ATL2: variants seen among roughly 807,000 people sequenced by gnomAD.
ATL2 encodes atlastin-2.
Under a neutral mutation model 73.9 loss-of-function variants are expected in ATL2, and 31 were observed. That is an observed-to-expected ratio of 0.42 (90% CI 0.32 to 0.57). ATL2 has a LOEUF of 0.57. ATL2 is among the 20% of genes least tolerant of loss of function. ATL2 has a pLI of 0.14. For synonymous variants in ATL2, 291 were observed against 237.5 expected, an observed-to-expected ratio of 1.23 and a Z score of -2.07; for missense variants, 738 against 702.6, an observed-to-expected ratio of 1.05 and a Z score of -0.57.
chr2:38,334,399 G>C (rs888116085), intron 2 of ATL2, among the ~76,000 whole-genome samples: 1 of 150,692 alleles, frequency 6.6e-6, no homozygotes, highest in African/African-American at 2.4e-5. Context: ...TTTCCTTATT[G>C]ACTCTTAAAA....
intron 2 of ATL2, among the ~76,000 whole-genome samples, chr2:38,331,336 G>A (rs183128264): frequency 4.6e-5 from 7 of 151,340 alleles, no homozygotes; most frequent in East Asian, 3.9e-4. Context: ...CTCAGGAGGC[G>A]GAGGCAGGAG....
At chr2:38,333,571 T>G (rs779018296) in intron 2 of ATL2, among the ~76,000 whole-genome samples, 4 of 152,226 alleles carry the variant, frequency 2.6e-5, no homozygotes, top group Non-Finnish European at 4.4e-5. Context: ...TAGAAACAGT[T>G]AATGTAACCT....
At chr2:38,303,750 C>T (rs1367410792) in intron 9 of ATL2, among the ~76,000 whole-genome samples, 1 of 152,032 alleles carries the variant, frequency 6.6e-6, no homozygotes, top group Non-Finnish European at 1.5e-5. Context: ...TATTTAAGAA[C>T]AAAAGATTAT....
chr2:38,315,027 G>A (rs1410527623), intron 5 of ATL2, among the ~76,000 whole-genome samples: 2 of 152,318 alleles, frequency 1.3e-5, no homozygotes, highest in East Asian at 1.9e-4. Flanking sequence ...CGAGGCGGGC[G>A]GATCACCCAA....
intron 1 of ATL2, among the ~76,000 whole-genome samples, chr2:38,367,427 C>T (rs145590839): frequency 2.0e-5 from 3 of 150,794 alleles, no homozygotes; most frequent in African/African-American, 4.9e-5. Flanking sequence ...CACGGTGAAA[C>T]CCCGTCTCTA....
chr2:38,360,529 G>A (rs1243595562), intron 1 of ATL2, among the ~76,000 whole-genome samples: 1 of 152,098 alleles, frequency 6.6e-6, no homozygotes, highest in African/African-American at 2.4e-5. Flanking sequence ...GGATCCTCCT[G>A]CCTCAGCCTC....
chr2:38,376,485 G>A, intron 1 of ATL2: 1 of 221,970 alleles, frequency 4.5e-6, no homozygotes, highest in Non-Finnish European at 8.7e-6. Context: ...ATCTAGACTT[G>A]CACCCTAGCC....
rs930421767 is a variant in ATL2 at position 38,312,031 on chromosome 2, T to G, written c.804+1120A>C. The stretch of plus-strand genomic sequence containing the variant: ...ATTTTAAAACTAAAAGAAAATTATA[T>G]CATACCCCAAGTCTTTAATGCAGTT... On this transcript the variant is annotated intron_variant, in intron 7 of 12. Coordinates refer to ENST00000378954, the MANE Select transcript of ATL2 (RefSeq NM_001135673.4). Among the ~76,000 whole-genome samples, 3 of 152,324 alleles carry G rather than the reference T, an allele frequency of 2.0e-5. No homozygotes were observed. The East Asian group carries it at 5.8e-4, about 29-fold the overall frequency.
intron 1 of ATL2, among the ~76,000 whole-genome samples, chr2:38,373,022 A>G (rs1285726784): frequency 2.8e-5 from 4 of 144,970 alleles, no homozygotes; most frequent in Non-Finnish European, 4.4e-5. Flanking sequence ...CATATATGTT[A>G]CTGTGCCTTA....
At chr2:38,312,044 C>A (rs1438933871) in intron 7 of ATL2, among the ~76,000 whole-genome samples, 3 of 152,154 alleles carry the variant, frequency 2.0e-5, no homozygotes, top group African/African-American at 7.2e-5. Context: ...TACCCCAAGT[C>A]TTTAATGCAG....
At chr2:38,343,192 T>A in intron 2 of ATL2, 76 bp downstream of exon 2, 2 of 1,028,570 alleles carry the variant, frequency 1.9e-6, no homozygotes, top group Non-Finnish European at 1.4e-6. Context: ...ATAGTTCTGG[T>A]TTTTGTCTAT....
rs1436855717 is a variant in ATL2 at position 38,318,889 on chromosome 2, G to T, written c.494C>A (p.Thr165Asn). Residue 165 changes from threonine to asparagine, a missense_variant, in exon 3 of 13, where the codon ACT (threonine) becomes AAT (asparagine). Thr to Asn is a moderately conservative substitution (Grantham distance 65). Transcript: ENST00000378954. ...AAAGTATAAACAGAATTTTACTTTA[G>T]TTCCATTAGGTCTGTCAATCACAAA... is the stretch of plus-strand genomic sequence containing the variant. The part of the protein sequence containing the change: ...EVFVIDRPNG[T>N]KVAVLLMDTQ... The T allele has an allele frequency of 6.2e-7, 1 of 1,610,980 alleles. No homozygotes were observed. The highest frequency in any genetic ancestry group is 1.7e-4 in the Middle Eastern group (1 of 6,054).
intron 7 of ATL2, among the ~76,000 whole-genome samples, chr2:38,310,689 G>T (rs899264208): frequency 6.8e-6 from 1 of 146,706 alleles, no homozygotes; most frequent in Non-Finnish European, 1.5e-5. Context: ...CCAGGCTGGA[G>T]TGCAATGGTG....
At chr2:38,327,955 G>A (rs1168110726) in intron 2 of ATL2, among the ~76,000 whole-genome samples, 1 of 152,046 alleles carries the variant, frequency 6.6e-6, no homozygotes, top group Non-Finnish European at 1.5e-5. Context: ...AATTGTCACA[G>A]TGGGTTTTTA....
At chr2:38,344,346 G>C (rs941315596) in intron 1 of ATL2, among the ~76,000 whole-genome samples, 2 of 152,156 alleles carry the variant, frequency 1.3e-5, no homozygotes, top group African/African-American at 2.4e-5. Flanking sequence ...GCTGGGTGCA[G>C]TGGGTGTAAT....
chr2:38,297,954 A>G (rs1023734193), intron 12 of ATL2, 190 bp downstream of exon 12: 4 of 601,032 alleles, frequency 6.7e-6, no homozygotes, highest in Non-Finnish European at 8.5e-6. Context: ...TAGGCTAACC[A>G]AAGTACATTA....
chr2:38,295,368 T>A lies in ATL2; in HGVS notation c.*626A>T, dbSNP rs1166461826. 6.6e-6 allele frequency: 1 copy of A among 152,208 alleles called. No homozygotes were observed. Among genetic ancestry groups the A allele is most frequent in the Non-Finnish European group, 1.5e-5 (1 of 68,044 alleles). The allele number at this position is 152,208 out of a possible 1,614,324, so 9.4% of individuals were successfully genotyped here. A position where few individuals can be genotyped will look rare whatever the true frequency, so the allele number is the denominator to read the frequency against. ...GCTAAACTGCAAAAAGACAGTTCAG[T>A]TTCCCAGATATGCATCTCCTTTTAG... On this transcript the variant is annotated 3_prime_UTR_variant, in exon 13 of 13. Transcript: ENST00000378954.
chr2:38,343,545 T>C, intron 1 of ATL2, 33 bp from the exon 2 acceptor site: 1 of 1,580,628 alleles, frequency 6.3e-7, no homozygotes. Flanking sequence ...CTGGTTACTT[T>C]AATCCCTATA....
At chr2:38,364,375 G>A (rs1291536113) in intron 1 of ATL2, among the ~76,000 whole-genome samples, 1 of 152,226 alleles carries the variant, frequency 6.6e-6, no homozygotes, top group Non-Finnish European at 1.5e-5. Flanking sequence ...TCAAAGCTGT[G>A]TTGCAGAGAT....
Sources: gnomAD v4.1 joint callset for allele counts (sites outside exome capture counted in the v4.1 genomes callset) on GRCh38, gnomAD v4.1.1 for gene constraint, MANE v1.5 for transcripts, NCBI Gene and HGNC (gene_info 2026-07-23, HGNC 2026-07-21) for gene names.